The following ST3GAL3 variants were observed in gnomAD, a reference collection of about 807,000 sequenced individuals.
ST3GAL3 encodes the protein CMP-N-acetylneuraminate-beta-1,4-galactoside alpha-2,3-sialyltransferase.
A neutral mutation model predicts 50.1 loss-of-function variants in ST3GAL3; 21 were observed. The observed-to-expected ratio is 0.42, with a 90% CI of 0.30 to 0.60. ST3GAL3 has a LOEUF of 0.60. Among genes scored for constraint, ST3GAL3 ranks in the 20% least tolerant of loss-of-function variants. ST3GAL3 has a pLI of 0.19. For missense variants in ST3GAL3, 353 were observed against 489.4 expected, an observed-to-expected ratio of 0.72 and a Z score of 2.63; for synonymous variants, 183 against 190.0, an observed-to-expected ratio of 0.96 and a Z score of 0.30.
rs749463158 is a variant in ST3GAL3, at chr1:43,838,251, T to G, written c.242T>G (p.Phe81Cys). The change falls in exon 5 of 12, where the codon TTT (phenylalanine) becomes TGT (cysteine). Residue 81 changes from phenylalanine to cysteine, a missense_variant. Transcript: ENST00000347631. ...PAELATKYAN[F>C]SEGACKPGYA... is the part of the protein sequence containing the mutation. ...GAATTAGCCACCAAGTACGCAAACT[T>G]TTCAGAGGGAGCTTGCAAGCCTGGC... The G allele has an allele frequency of 2.5e-6, 4 of 1,613,808 alleles. No individual in the cohort carries two copies. The highest frequency in any genetic ancestry group is 1.6e-4 in the Middle Eastern group (1 of 6,084).
chr1:43,762,927 C>G (rs1271892838), intron 2 of ST3GAL3, among the ~76,000 whole-genome samples: 1 of 152,058 alleles, frequency 6.6e-6, no homozygotes, highest in Non-Finnish European at 1.5e-5. Flanking sequence ...AGCAGCCAGA[C>G]AGATAGGAGG....
At chr1:43,776,193 A>G (rs1040659537) in intron 2 of ST3GAL3, among the ~76,000 whole-genome samples, 1 of 152,094 alleles carries the variant, frequency 6.6e-6, no homozygotes, top group Non-Finnish European at 1.5e-5. Context: ...TCCTGCAGCC[A>G]TTTGCCGTCA....
At chr1:43,826,897 A>C (rs1319839341) in intron 4 of ST3GAL3, among the ~76,000 whole-genome samples, 1 of 152,210 alleles carries the variant, frequency 6.6e-6, no homozygotes, top group African/African-American at 2.4e-5. Flanking sequence ...TCCAATACCT[A>C]TTCATGATTT....
chr1:43,798,556 G>C (rs1469623909), intron 3 of ST3GAL3, among the ~76,000 whole-genome samples: 1 of 152,054 alleles, frequency 6.6e-6, no homozygotes, highest in African/African-American at 2.4e-5. Context: ...CCACTTCCTA[G>C]ACTGTTCTTA....
intron 3 of ST3GAL3, among the ~76,000 whole-genome samples, chr1:43,796,208 CTT>C (rs922542594): frequency 2.6e-5 from 4 of 152,186 alleles, no homozygotes; most frequent in Non-Finnish European, 2.9e-5. Context: ...TGTTTTCTGT[CTT>C]TGTCTTCCTG....
chr1:43,723,739 G>T (rs1029772857), intron 1 of ST3GAL3, among the ~76,000 whole-genome samples: 3 of 152,106 alleles, frequency 2.0e-5, no homozygotes, highest in African/African-American at 7.2e-5. Flanking sequence ...AGCTTCCCAA[G>T]TATTTGGGTT....
chr1:43,891,524 G>A (rs1020318930), intron 5 of ST3GAL3, among the ~76,000 whole-genome samples: 4 of 151,994 alleles, frequency 2.6e-5, no homozygotes, highest in African/African-American at 9.7e-5. Context: ...AGCTGAGATC[G>A]CACCATTGCA....
In ST3GAL3 at chr1:43,832,921, C is replaced by T. The variant is rs965717154; in HGVS notation, c.210-5298C>T. On this transcript the variant is annotated intron_variant, in intron 4 of 11. Transcript: ENST00000347631. The stretch of plus-strand genomic sequence containing the variant: ...CTCTGTGTAGAGAGGCTCATCTGCA[C>T]GCTCATGCATGTCCCCCTAGCATGG... Among the ~76,000 whole-genome samples the T allele has an allele frequency of 5.3e-5, 8 of 152,124 alleles. No homozygotes were observed. The East Asian group carries it at 5.8e-4, about 11-fold the overall frequency.
chr1:43,724,896 A>C (rs1430460895), intron 1 of ST3GAL3, among the ~76,000 whole-genome samples: 2 of 152,182 alleles, frequency 1.3e-5, no homozygotes, highest in Admixed American at 1.3e-4. Context: ...TGGTAAACTC[A>C]TTTACCACAG....
chr1:43,881,897 C>T (rs2075210302), intron 5 of ST3GAL3, among the ~76,000 whole-genome samples: 1 of 152,210 alleles, frequency 6.6e-6, no homozygotes, highest in African/African-American at 2.4e-5. Context: ...CCCCAGACTG[C>T]CACAGGTGAG....
chr1:43,912,168 A>C (rs565393858), intron 9 of ST3GAL3: 1 of 152,196 alleles, frequency 6.6e-6, no homozygotes, highest in Non-Finnish European at 1.5e-5. Context: ...TTAAAAGCCA[A>C]AGTCTCATCA....
intron 4 of ST3GAL3, among the ~76,000 whole-genome samples, chr1:43,820,379 C>T (rs1228373955): frequency 6.6e-6 from 1 of 152,166 alleles, no homozygotes; most frequent in South Asian, 2.1e-4. Context: ...ATACCCTTCT[C>T]ATCATTGGCT....
intron 1 of ST3GAL3, among the ~76,000 whole-genome samples, chr1:43,726,792 C>G (rs1042048703): frequency 6.6e-6 from 1 of 152,028 alleles, no homozygotes; most frequent in Non-Finnish European, 1.5e-5. Flanking sequence ...TGGGGTTTCC[C>G]CATGTTGGCC....
chr1:43,730,880 T>C (rs1675438757), intron 1 of ST3GAL3, among the ~76,000 whole-genome samples: 1 of 152,140 alleles, frequency 6.6e-6, no homozygotes, highest in Non-Finnish European at 1.5e-5. Context: ...ACTTAAAACT[T>C]TATGTATTTA....
intron 5 of ST3GAL3, chr1:43,851,368 T>G: frequency 6.3e-7 from 1 of 1,588,574 alleles, no homozygotes; most frequent in Non-Finnish European, 8.6e-7. Context: ...CACTCAAAGT[T>G]TGCAGGGGAG....
chr1:43,827,225 A>G (rs2062927402), intron 4 of ST3GAL3, among the ~76,000 whole-genome samples: 1 of 152,258 alleles, frequency 6.6e-6, no homozygotes, highest in Non-Finnish European at 1.5e-5. Flanking sequence ...TAAGCAATTA[A>G]GGCAAGTTTT....
intron 5 of ST3GAL3, among the ~76,000 whole-genome samples, chr1:43,854,631 C>A (rs186766192): frequency 6.6e-6 from 1 of 152,320 alleles, no homozygotes; most frequent in East Asian, 1.9e-4. Flanking sequence ...CAGCCCACAT[C>A]TCTACTGATC....
At chr1:43,780,974 T>C (rs1411079300) in intron 2 of ST3GAL3, among the ~76,000 whole-genome samples, 1 of 152,234 alleles carries the variant, frequency 6.6e-6, no homozygotes, top group Non-Finnish European at 1.5e-5. Flanking sequence ...TTGTTTTTAG[T>C]ATCATCTTCA....
At chr1:43,872,284 G>A (rs1205305785) in intron 5 of ST3GAL3, among the ~76,000 whole-genome samples, 23 of 116,092 alleles carry the variant, frequency 2.0e-4, no homozygotes, top group African/African-American at 7.1e-4. Flanking sequence ...CTGTGGGGGG[G>A]ACGGAGGAGA....
Sources: allele counts gnomAD v4.1 joint callset (sites outside exome capture counted in the v4.1 genomes callset), GRCh38; gene constraint gnomAD v4.1.1; transcripts MANE v1.5; gene names NCBI Gene and HGNC (gene_info 2026-07-23, HGNC 2026-07-21).